LGI2: variants seen among roughly 807,000 people sequenced by gnomAD.
LGI2 encodes the protein leucine rich repeat LGI family member 2, also known as leucine-rich repeat LGI family member 2.
Under a neutral mutation model 52.0 loss-of-function variants are expected in LGI2, and 30 were observed. That is an observed-to-expected ratio of 0.58 (90% CI 0.43 to 0.78). LGI2 has a LOEUF of 0.78. LGI2 is among the 30% of genes least tolerant of loss of function. The pLI, the probability that LGI2 is intolerant of heterozygous loss-of-function variation, is 0.00. For missense variants in LGI2, 573 were observed against 692.5 expected, an observed-to-expected ratio of 0.83 and a Z score of 1.94; for synonymous variants, 270 against 271.8, an observed-to-expected ratio of 0.99 and a Z score of 0.06.
chr4:25,003,846 G>T lies in LGI2; in HGVS notation c.1243C>A (p.Pro415Thr). 1 of 1,614,150 alleles carries T rather than the reference G, an allele frequency of 6.2e-7. No individual in the cohort carries two copies. Among genetic ancestry groups the T allele is most frequent in the Non-Finnish European group, 8.5e-7 (1 of 1,180,032 alleles). ...ACAGCCAGTACGTCCTCCATGTTGGGGATGTCACCATGGGGGACAAACTTC... is the reference window on the plus strand; with the variant it reads ...ACAGCCAGTACGTCCTCCATGTTGGTGATGTCACCATGGGGGACAAACTTC... ...SKKFVPHGDI[P>T]NMEDVLAVKS... Residue 415 changes from proline (P) to threonine (T), a missense_variant, in exon 8 of 8, where the codon CCC becomes ACC. Pro to Thr is a conservative substitution (Grantham distance 38). Transcript: ENST00000382114.
rs754207559 is a variant in LGI2 at position 25,003,718 on chromosome 4, T to C, written c.1371A>G (p.Gln457=). The change falls in exon 8 of 8, where the codon CAA becomes CAG. Residue 457 remains glutamine, a synonymous_variant. Coordinates refer to ENST00000382114, the MANE Select transcript of LGI2 (RefSeq NM_018176.4). ...TCATGGCCCCCCGGGATGGAAGAGC[T>C]TGGATCTCCACAAACTGCTTACTGT... ...RWNSKQFVEI[Q]ALPSRGAMTL... is the part of the protein sequence containing the mutation. 7 of 1,614,178 alleles carry C rather than the reference T, an allele frequency of 4.3e-6. No homozygotes were observed. The highest frequency in any genetic ancestry group is 4.2e-6 in the Non-Finnish European group (5 of 1,180,032).
rs995652734 is a variant in LGI2 at position 25,022,552 on chromosome 4, C to T, written c.413+2268G>A. On this transcript the variant is annotated intron_variant, in intron 4 of 7. Transcript: ENST00000382114. ...CAAGTGCAGGCAGGACTCCCTCGCT[C>T]CCTCTGTGTTTGTGTTCTCTGTGCA... 2.6e-5 allele frequency among the ~76,000 whole-genome samples: 4 copies of T among 152,134 alleles called. No homozygotes were observed. The South Asian group carries it at 8.3e-4, about 32-fold the overall frequency.
intron 1 of LGI2, among the ~76,000 whole-genome samples, chr4:25,029,061 C>G (rs1178901505): frequency 6.6e-6 from 1 of 152,214 alleles, no homozygotes; most frequent in Non-Finnish European, 1.5e-5. Context: ...GAAAAACTCA[C>G]AGACACCTGA....
downstream of LGI2, among the ~76,000 whole-genome samples, chr4:24,996,569 G>A (rs1725089348): frequency 6.6e-6 from 1 of 152,174 alleles, no homozygotes; most frequent in African/African-American, 2.4e-5. Context: ...CTGGGGCCCG[G>A]GACAAGCATC....
At chr4:24,993,506 G>C in the LGI2 span, among the ~76,000 whole-genome samples, 1 of 152,138 alleles carries the variant, frequency 6.6e-6, no homozygotes, top group Non-Finnish European at 1.5e-5. Flanking sequence ...TACACTTTGG[G>C]ACTAGGCATG....
chr4:25,001,842 T>G lies in LGI2; in HGVS notation c.*1609A>C, dbSNP rs1374971170. 6.6e-6 allele frequency: 1 copy of G among 152,212 alleles called. No homozygotes were observed. The highest frequency in any genetic ancestry group is 1.5e-5 in the Non-Finnish European group (1 of 68,038). The allele number at this position is 152,212 out of a possible 1,614,324, so 9.4% of individuals were successfully genotyped here. A position where few individuals can be genotyped will look rare whatever the true frequency, so the allele number is the denominator to read the frequency against. On this transcript the variant is annotated 3_prime_UTR_variant, in exon 8 of 8. Transcript: ENST00000382114. ...CAGGAAACAACAAACACATTCATATTTGTGGCAAAACATCTACCTACTCAT... is the reference window on the plus strand; with the variant it reads ...CAGGAAACAACAAACACATTCATATGTGTGGCAAAACATCTACCTACTCAT...
rs1560295633 is a variant in LGI2 at position 25,026,958 on chromosome 4, T to C, written c.270-19A>G. The C allele has an allele frequency of 6.3e-7, 1 of 1,587,246 alleles. No homozygotes were observed. The stretch of plus-strand genomic sequence containing the variant: ...CAGCAATCTGAAAGTAAGAGACAGA[T>C]TCCAATGGAGAGATGTAAAACTTGA... On this transcript the variant is annotated intron_variant, in intron 2 of 7. Transcript: ENST00000382114.
the LGI2 span, among the ~76,000 whole-genome samples, chr4:24,993,286 C>A: frequency 2.0e-5 from 3 of 152,154 alleles, no homozygotes; most frequent in Non-Finnish European, 4.4e-5. Context: ...CCTGGCTTTG[C>A]CACTCTTCAG....
At chr4:25,017,541 CAAAAAAAAAA>C (rs66740392) in intron 6 of LGI2, among the ~76,000 whole-genome samples, 8 of 53,242 alleles carry the variant, frequency 1.5e-4, no homozygotes, top group African/African-American at 1.6e-4. Flanking sequence ...GACTCTGCCT[CAAAAAAAAAA>C]AAAAAAAAAA....
At chr4:25,015,740 C>T (rs926918616) in intron 6 of LGI2, among the ~76,000 whole-genome samples, 1 of 146,568 alleles carries the variant, frequency 6.8e-6, no homozygotes, top group Non-Finnish European at 1.5e-5. Context: ...TAGCTTTTAA[C>T]GAAGCAACAG....
At chr4:25,023,054 G>A (rs1726024286) in intron 4 of LGI2, among the ~76,000 whole-genome samples, 1 of 110,912 alleles carries the variant, frequency 9.0e-6, no homozygotes, top group East Asian at 3.3e-4. Flanking sequence ...TGGAGGGAAG[G>A]AATTATGTTG....
At chr4:25,022,566 G>A (rs951823548) in intron 4 of LGI2, among the ~76,000 whole-genome samples, 13 of 152,304 alleles carry the variant, frequency 8.5e-5, no homozygotes, top group African/African-American at 3.1e-4. Flanking sequence ...CTGTGTTTGT[G>A]TTCTCTGTGC....
chr4:25,019,546 C>G (rs1050388781), intron 4 of LGI2, among the ~76,000 whole-genome samples: 1 of 152,118 alleles, frequency 6.6e-6, no homozygotes, highest in Non-Finnish European at 1.5e-5. Flanking sequence ...CCTTTATTGC[C>G]TGGCTACCTC....
Position 24,999,297 on chromosome 4 carries a change from C to T in LGI2, c.*4154G>A, listed in dbSNP as rs1346646614. On this transcript the variant is annotated 3_prime_UTR_variant, in exon 8 of 8. Transcript: ENST00000382114. The stretch of plus-strand genomic sequence containing the variant: ...TAATAATTGAGATGTTGTTAATCTT[C>T]CTGGTCATTCTACCCTCTGCTTGCC... 1 of 152,536 alleles carries T rather than the reference C, an allele frequency of 6.6e-6. No homozygotes were observed. Among genetic ancestry groups the T allele is most frequent in the Non-Finnish European group, 1.5e-5 (1 of 68,330 alleles). The allele number at this position is 152,536 out of a possible 1,614,324, so 9.4% of individuals were successfully genotyped here. A position where few individuals can be genotyped will look rare whatever the true frequency, so the allele number is the denominator to read the frequency against.
intron 4 of LGI2, among the ~76,000 whole-genome samples, chr4:25,021,824 A>G (rs4359888): frequency 0.77 from 117,239 of 151,358 alleles, 46,232 homozygotes; most frequent in East Asian, 0.98. Flanking sequence ...CCAGCTACTC[A>G]AGAGGCTGAG....
intron 6 of LGI2, among the ~76,000 whole-genome samples, chr4:25,016,361 A>G (rs1349148777): frequency 6.6e-6 from 1 of 152,228 alleles, no homozygotes; most frequent in Admixed American, 6.5e-5. Flanking sequence ...AAATGGAGAA[A>G]AGGTAGTGAG....
chr4:25,011,695 G>A (rs1376015294), intron 7 of LGI2, among the ~76,000 whole-genome samples: 3 of 152,214 alleles, frequency 2.0e-5, no homozygotes, highest in Admixed American at 6.5e-5. Context: ...CAGATTGCAC[G>A]TTGATAAATG....
At chr4:25,019,275 T>C in intron 4 of LGI2, 37 bp from the exon 5 acceptor site, 3 of 1,373,820 alleles carry the variant, frequency 2.2e-6, no homozygotes, top group Non-Finnish European at 2.1e-6. Context: ...GTGATTATTA[T>C]CTCATGCCCT....
Position 25,019,158 on chromosome 4 carries a change from A to C in LGI2, c.485+9T>G. On this transcript the variant is annotated intron_variant, in intron 5 of 7. Coordinates refer to ENST00000382114, the MANE Select transcript of LGI2 (RefSeq NM_018176.4). ...GACAAACACACATAAACTAAATTTC[A>C]TTACTTACAGTTCAATCAGAGAGTC... 6.4e-7 allele frequency: 1 copy of C among 1,555,528 alleles called. No homozygotes were observed. Among genetic ancestry groups the C allele is most frequent in the Non-Finnish European group, 8.9e-7 (1 of 1,128,970 alleles).
Sources: gnomAD v4.1 joint callset for allele counts (sites outside exome capture counted in the v4.1 genomes callset) on GRCh38, gnomAD v4.1.1 for gene constraint, MANE v1.5 for transcripts, NCBI Gene and HGNC (gene_info 2026-07-23, HGNC 2026-07-21) for gene names.